Variants in TMEM131 observed in about 807,000 individuals in gnomAD.
TMEM131 encodes 2610524E03Rik.
TMEM131 carries 66 observed loss-of-function variants against 211.6 expected under a neutral mutation model. The observed-to-expected ratio is 0.31, with a 90% CI of 0.26 to 0.38. The LOEUF (loss-of-function observed/expected upper bound fraction) is 0.38. Ranked by LOEUF, TMEM131 falls within the 10% of genes least tolerant of loss-of-function variation. The pLI is 1.00. For synonymous variants in TMEM131, 844 were observed against 841.3 expected (o/e 1.00, Z -0.06); for missense variants, 2,036 against 2,299.3 (o/e 0.89, Z 2.34).
chr2:97,973,586 G>GTCCC (rs1679400189), intron 1 of TMEM131, among the ~76,000 whole-genome samples: 1 of 152,296 alleles, frequency 6.6e-6, no homozygotes, highest in African/African-American at 2.4e-5. Context: ...ACTACAGAGG[G>GTCCC]TCCCCATTGA....
chr2:97,863,949 C>CA (rs1159327804), intron 4 of TMEM131, among the ~76,000 whole-genome samples: 2 of 152,236 alleles, frequency 1.3e-5, no homozygotes, highest in East Asian at 3.9e-4. Flanking sequence ...GCACTATTCA[C>CA]AATAGCCGAG....
intron 35 of TMEM131, among the ~76,000 whole-genome samples, chr2:97,765,722 C>G (rs1679129774): frequency 1.3e-5 from 2 of 152,160 alleles, no homozygotes; most frequent in Non-Finnish European, 2.9e-5. Context: ...CTTACAAAAA[C>G]AATTACACTA....
chr2:97,819,374 T>C (rs1682001980), intron 11 of TMEM131, among the ~76,000 whole-genome samples: 1 of 152,246 alleles, frequency 6.6e-6, no homozygotes, highest in Non-Finnish European at 1.5e-5. Context: ...AGCATGCTTT[T>C]TAAAAATACA....
chr2:97,759,546 T>C, intron 39 of TMEM131, 106 bp downstream of exon 39: 1 of 990,220 alleles, frequency 1.0e-6, no homozygotes, highest in Non-Finnish European at 1.5e-6. Context: ...GCGGGGCCTC[T>C]TCCACAGTGC....
At chr2:97,966,163 G>T (rs1478962495) in intron 1 of TMEM131, among the ~76,000 whole-genome samples, 1 of 151,512 alleles carries the variant, frequency 6.6e-6, no homozygotes, top group Non-Finnish European at 1.5e-5. Flanking sequence ...TACTAGAGCT[G>T]ACAATGCATA....
At chr2:97,909,103 A>G (rs1477542723) in intron 2 of TMEM131, among the ~76,000 whole-genome samples, 1 of 152,180 alleles carries the variant, frequency 6.6e-6, no homozygotes, top group Non-Finnish European at 1.5e-5. Flanking sequence ...ATACATATTT[A>G]TATACTGAAA....
intron 2 of TMEM131, among the ~76,000 whole-genome samples, chr2:97,910,076 A>T (rs1029383307): frequency 6.6e-6 from 1 of 152,222 alleles, no homozygotes; most frequent in African/African-American, 2.4e-5. Flanking sequence ...AAGGACTCAA[A>T]CATTTCTCCA....
intron 6 of TMEM131, among the ~76,000 whole-genome samples, chr2:97,842,340 G>A (rs1300309103): frequency 6.6e-6 from 1 of 151,890 alleles, no homozygotes; most frequent in African/African-American, 2.4e-5. Flanking sequence ...GACTAAGCAG[G>A]GTAAACCAGT....
intron 3 of TMEM131, among the ~76,000 whole-genome samples, chr2:97,897,961 T>C (rs1307377454): frequency 6.6e-6 from 1 of 152,166 alleles, no homozygotes; most frequent in African/African-American, 2.4e-5. Context: ...TTCAAGTATT[T>C]GACCACTTCA....
intron 4 of TMEM131, among the ~76,000 whole-genome samples, chr2:97,884,377 GA>G (rs1203624958): frequency 2.0e-5 from 3 of 152,098 alleles, no homozygotes; most frequent in Non-Finnish European, 4.4e-5. Context: ...ATGTGTTGAC[GA>G]AAGAAATGGT....
chr2:97,830,607 A>AT (rs1682632014), intron 11 of TMEM131, among the ~76,000 whole-genome samples: 1 of 152,224 alleles, frequency 6.6e-6, no homozygotes, highest in Admixed American at 6.5e-5. Flanking sequence ...TTAAGCTGAT[A>AT]TTATGATTCC....
chr2:97,775,632 G>C (rs2104816720), intron 32 of TMEM131, among the ~76,000 whole-genome samples: 1 of 152,240 alleles, frequency 6.6e-6, no homozygotes, highest in South Asian at 2.1e-4. Flanking sequence ...GGAGGACATG[G>C]AGCCATTCAT....
intron 1 of TMEM131, among the ~76,000 whole-genome samples, chr2:97,942,897 G>A (rs1173153751): frequency 6.6e-6 from 1 of 150,766 alleles, no homozygotes; most frequent in Non-Finnish European, 1.5e-5. Flanking sequence ...TGAGGCTGAA[G>A]GATCATTTGA....
chr2:97,769,139 C>G (rs889578666), intron 33 of TMEM131, among the ~76,000 whole-genome samples: 2 of 150,022 alleles, frequency 1.3e-5, no homozygotes, highest in African/African-American at 4.8e-5. Flanking sequence ...TGTGCCATCA[C>G]ACCTGGCTAA....
intron 5 of TMEM131, among the ~76,000 whole-genome samples, chr2:97,854,929 T>C (rs937833541): frequency 2.0e-5 from 3 of 152,202 alleles, no homozygotes; most frequent in Non-Finnish European, 4.4e-5. Context: ...GCCTTCCCTG[T>C]GCACACCTAA....
At chr2:97,923,628 TA>T (rs71386040) in intron 2 of TMEM131, among the ~76,000 whole-genome samples, 487 of 30,206 alleles carry the variant, frequency 0.016, 1 homozygote, top group Middle Eastern at 0.058. Flanking sequence ...TCTTTTTTTT[TA>T]AAAAAAAAAA....
In TMEM131 at chr2:97,833,378, T is replaced by C. The variant is rs748476707; in HGVS notation, c.1061A>G (p.Asp354Gly). The change falls in exon 11 of 41, where the codon GAT becomes GGT. Residue 354 changes from aspartate to glycine, a missense_variant. By Grantham distance (94) the Asp-to-Gly change is moderately conservative (BLOSUM62 -1). Around this residue, in one of 3 missense-constraint regions of TMEM131, gnomAD observed 277 missense variants for 378.0 expected, o/e 0.73. Coordinates refer to ENST00000186436, the MANE Select transcript of TMEM131 (RefSeq NM_015348.2). ...NLHLLNSGTK[D>G]VPITSVRPTP... is the part of the protein sequence containing the mutation. ...GTAAAAACTTACTGTTATTGGTACA[T>C]CTTTTGTTCCTGAATTTAATAAATG... The C allele has an allele frequency of 6.1e-6, 8 of 1,312,386 alleles. No individual in the cohort carries two copies. The South Asian group carries it at 9.3e-5, about 15-fold the overall frequency. The allele number at this position is 1,312,386 out of a possible 1,614,324, so 81.3% of individuals were successfully genotyped here. A position where few individuals can be genotyped will look rare whatever the true frequency, so the allele number is the denominator to read the frequency against.
intron 19 of TMEM131, among the ~76,000 whole-genome samples, chr2:97,809,453 C>T (rs1000464383): frequency 6.6e-6 from 1 of 152,236 alleles, no homozygotes; most frequent in Non-Finnish European, 1.5e-5. Context: ...CTTAGGGCAA[C>T]TTCTACATTC....
intron 2 of TMEM131, among the ~76,000 whole-genome samples, chr2:97,922,759 G>C (rs1414583569): frequency 6.6e-6 from 1 of 152,318 alleles, no homozygotes; most frequent in South Asian, 2.1e-4. Context: ...GTAGTAACTA[G>C]GAGAGAGCTT....
Sources: allele counts gnomAD v4.1 joint callset (sites outside exome capture counted in the v4.1 genomes callset), GRCh38; gene constraint gnomAD v4.1.1; regional missense constraint gnomAD v4.1.1; transcripts MANE v1.5; gene names NCBI Gene and HGNC (gene_info 2026-07-23, HGNC 2026-07-21).